AGO1: variants seen among roughly 807,000 people sequenced by gnomAD.
AGO1 encodes the protein protein argonaute-1.
In AGO1, 11 loss-of-function variants were observed where a neutral mutation model predicts 109.2. That is an observed-to-expected ratio of 0.10 (90% CI 0.06 to 0.17). AGO1 has a LOEUF of 0.17. Ranked by LOEUF, AGO1 falls within the 10% of genes least tolerant of loss-of-function variation. The probability of loss-of-function intolerance (pLI) is 1.00; values close to 1 mark genes in which losing one functional copy is unlikely to be tolerated. For synonymous variants in AGO1, 422 were observed against 418.6 expected (o/e 1.01, Z -0.10); for missense variants, 574 against 1,140.3 (o/e 0.50, Z 7.15).
chr1:35,883,182 C>T, upstream of AGO1: 1 of 1,160,610 alleles, frequency 8.6e-7, no homozygotes, highest in Non-Finnish European at 1.1e-6. This position sits in a 1 kb window ranked among gnomAD's most constrained non-coding sequence, Gnocchi z 5.4. Context: ...CCGGTCCGCC[C>T]CCTGGGCCCG....
chr1:35,918,187 A>G, intron 16 of AGO1, 135 bp from the exon 17 acceptor site: 1 of 727,558 alleles, frequency 1.4e-6, no homozygotes, highest in Non-Finnish European at 2.5e-6. Flanking sequence ...TATTATTTTA[A>G]GATTCAGTAC....
rs1042724086 is a variant in AGO1 at position 35,922,878 on chromosome 1, A to G, written c.*3271A>G. 17 of 152,162 alleles carry G rather than the reference A, an allele frequency of 1.1e-4. No homozygotes were observed. Among genetic ancestry groups the G allele is most frequent in the African/African-American group, 4.1e-4 (17 of 41,374 alleles). The allele number at this position is 152,162 out of a possible 1,614,324, so 9.4% of individuals were successfully genotyped here. The stretch of plus-strand genomic sequence containing the variant: ...CCACTCCTTGGAGCTGGTTTCTCTC[A>G]TTGCTTTTTCTAAATCTGGTTCTTT... On this transcript the variant is annotated 3_prime_UTR_variant, in exon 19 of 19. Coordinates refer to ENST00000373204, the MANE Select transcript of AGO1 (RefSeq NM_012199.5).
At chr1:35,912,944 T>C (rs191358183) in intron 12 of AGO1, among the ~76,000 whole-genome samples, 1 of 152,240 alleles carries the variant, frequency 6.6e-6, no homozygotes, top group African/African-American at 2.4e-5. Flanking sequence ...TACTCACACA[T>C]GTAGTCTATA....
intron 1 of AGO1, among the ~76,000 whole-genome samples, chr1:35,876,788 T>C (rs1227110946): frequency 6.6e-6 from 1 of 152,138 alleles, no homozygotes; most frequent in Non-Finnish European, 1.5e-5. Flanking sequence ...CTATAGAGAA[T>C]TTTGTTTTTT....
intron 11 of AGO1, among the ~76,000 whole-genome samples, chr1:35,903,878 G>A (rs1203806301): frequency 2.0e-5 from 3 of 151,568 alleles, no homozygotes; most frequent in African/African-American, 4.8e-5. Flanking sequence ...CAGGAGAATC[G>A]CTTGAACCCG....
rs1490719297 is a variant in AGO1, at chr1:35,920,441, T to C, written c.*834T>C. ...ACCTTTTGTACCTTTCTTTGGGGAA[T>C]GGGGTGGGGGTGGGAGAGGAGGTAG... On this transcript the variant is annotated 3_prime_UTR_variant, in exon 19 of 19. Transcript: ENST00000373204. 1 of 146,296 alleles carries C rather than the reference T, an allele frequency of 6.8e-6. No homozygotes were observed. The highest frequency in any genetic ancestry group is 1.5e-5 in the Non-Finnish European group (1 of 65,906). The allele number at this position is 146,296 out of a possible 1,614,324, so 9.1% of individuals were successfully genotyped here.
intron 16 of AGO1, 29 bp downstream of exon 16, chr1:35,917,756 C>T (rs1439442443): frequency 6.2e-7 from 1 of 1,604,442 alleles, no homozygotes; most frequent in South Asian, 1.1e-5. Flanking sequence ...CCTCCCATCC[C>T]CTCCTTCTGT....
Position 35,901,724 on chromosome 1 carries a change from T to G in AGO1, c.1140+131T>G, listed in dbSNP as rs957489300. ...TGCCTAGGACTGTATAAGGCTGCTTTTGCTTCTTGACCGTATAGCTACTTT... is the reference window on the plus strand; with the variant it reads ...TGCCTAGGACTGTATAAGGCTGCTTGTGCTTCTTGACCGTATAGCTACTTT... On this transcript the variant is annotated intron_variant, in intron 9 of 18. Coordinates refer to ENST00000373204, the MANE Select transcript of AGO1 (RefSeq NM_012199.5). The surrounding 1 kb of genome is among the most constrained non-coding windows in gnomAD (Gnocchi z 4.8). The G allele has an allele frequency of 1.7e-5, 24 of 1,453,056 alleles. No homozygotes were observed. Among genetic ancestry groups the G allele is most frequent in the Non-Finnish European group, 2.1e-5 (23 of 1,071,244 alleles). The allele number at this position is 1,453,056 out of a possible 1,614,324, so 90.0% of individuals were successfully genotyped here.
At chr1:35,918,125 A>G (rs1645767947) in intron 16 of AGO1, among the ~76,000 whole-genome samples, 197 bp from the exon 17 acceptor site, 1 of 152,244 alleles carries the variant, frequency 6.6e-6, no homozygotes, top group African/African-American at 2.4e-5. Context: ...CGACTTGCTA[A>G]GATCACACAG....
chr1:35,915,246 C>G (rs1489750727), intron 14 of AGO1, 102 bp from the exon 15 acceptor site: 1 of 968,472 alleles, frequency 1.0e-6, no homozygotes, highest in Non-Finnish European at 1.6e-6. Flanking sequence ...AAGCCCTAGT[C>G]ATTCAGTTGT....
chr1:35,920,885 T>G lies in AGO1; in HGVS notation c.*1278T>G, dbSNP rs1334655869. On this transcript the variant is annotated 3_prime_UTR_variant, in exon 19 of 19. Transcript: ENST00000373204. ...TGTTATTTTTATACCATAACTTGAG[T>G]GTATTGCCAAAATTTGGAAATCCTT... 1 of 152,622 alleles carries G rather than the reference T, an allele frequency of 6.6e-6. No individual in the cohort carries two copies. The highest frequency in any genetic ancestry group is 2.4e-5 in the African/African-American group (1 of 41,430). 9.5% of individuals were successfully genotyped at this position (152,622 alleles called of 1,614,324 possible).
At chr1:35,885,422 C>T (rs1306056938) in intron 1 of AGO1, among the ~76,000 whole-genome samples, 1 of 152,144 alleles carries the variant, frequency 6.6e-6, no homozygotes, top group Non-Finnish European at 1.5e-5. Context: ...TGGAGTCAGC[C>T]AAAGCCTTGG....
intron 2 of AGO1, among the ~76,000 whole-genome samples, chr1:35,889,676 A>C (rs867895373): frequency 1.5e-4 from 23 of 151,662 alleles, no homozygotes; most frequent in South Asian, 4.2e-4. Flanking sequence ...TTTGAGAAAG[A>C]AAAATTAGAT....
intron 8 of AGO1, among the ~76,000 whole-genome samples, chr1:35,899,057 C>T (rs1424290480): frequency 6.6e-6 from 1 of 152,198 alleles, no homozygotes; most frequent in Non-Finnish European, 1.5e-5. Flanking sequence ...CAACTCCCTC[C>T]TTTTAACCCC....
In AGO1 at chr1:35,915,538, C is replaced by T; in HGVS notation, c.2024C>T (p.Pro675Leu). Reference sequence around the variant, plus strand: ...GATGGGGTGCCTGAAGGCCAGCTACCCCAGGTAGGGCCCACAGTAGGTGGA... The same window carrying T: ...GATGGGGTGCCTGAAGGCCAGCTACTCCAGGTAGGGCCCACAGTAGGTGGA... ...YRDGVPEGQL[P>L]QILHYELLAI... The change falls in exon 15 of 19, where the codon CCC becomes CTC. Residue 675 changes from proline (P) to leucine (L), a missense_variant. This residue lies in a region of AGO1 where 45 missense variants were observed against 61.3 expected (regional missense o/e 0.73). Coordinates refer to ENST00000373204, the MANE Select transcript of AGO1 (RefSeq NM_012199.5). The T allele has an allele frequency of 6.2e-7, 1 of 1,613,766 alleles. No individual in the cohort carries two copies. The highest frequency in any genetic ancestry group is 1.3e-5 in the African/African-American group (1 of 75,016).
chr1:35,926,945 T>G lies in AGO1; in HGVS notation c.*7338T>G, dbSNP rs998430886. 2.4e-4 allele frequency: 16 copies of G among 67,438 alleles called. No homozygotes were observed. The highest frequency in any genetic ancestry group is 5.6e-4 in the Admixed American group (3 of 5,366). The allele number at this position is 67,438 out of a possible 1,614,324, so 4.2% of individuals were successfully genotyped here. ...CTTGGCAATGGTTTTTTGTTTGGGG[T>G]TTTTTTTTTTTTTTTTTTGGACAAA... On this transcript the variant is annotated 3_prime_UTR_variant, in exon 19 of 19. Coordinates refer to ENST00000373204, the MANE Select transcript of AGO1 (RefSeq NM_012199.5).
chr1:35,894,245 C>A, intron 6 of AGO1, 70 bp from the exon 7 acceptor site: 1 of 1,600,052 alleles, frequency 6.2e-7, no homozygotes. Flanking sequence ...GGGGTATGCT[C>A]AGGGGAGAGA....
At position 35,922,275 on chromosome 1, in the gene AGO1, A is replaced by C. The variant is rs954806567; in HGVS notation, c.*2668A>C. The C allele has an allele frequency of 7.2e-5, 11 of 152,662 alleles. No individual in the cohort carries two copies. The highest frequency in any genetic ancestry group is 2.4e-4 in the African/African-American group (10 of 41,458). 9.5% of individuals were successfully genotyped at this position (152,662 alleles called of 1,614,324 possible). A position where few individuals can be genotyped will look rare whatever the true frequency, so the allele number is the denominator to read the frequency against. On this transcript the variant is annotated 3_prime_UTR_variant, in exon 19 of 19. Transcript: ENST00000373204. Reference sequence around the variant, plus strand: ...GAATCAGCTTTGGGCAATGACAAGAAATGAGTTCTTACTCTGATTTTTTTG... The same window carrying C: ...GAATCAGCTTTGGGCAATGACAAGACATGAGTTCTTACTCTGATTTTTTTG...
At chr1:35,880,397 GTAAA>G (rs906596241), upstream of AGO1, among the ~76,000 whole-genome samples, 1 of 152,020 alleles carries the variant, frequency 6.6e-6, no homozygotes, top group African/African-American at 2.4e-5. Flanking sequence ...CAATAAGTAA[GTAAA>G]TAAATAAATA....
Sources: gnomAD v4.1 joint callset for allele counts (sites outside exome capture counted in the v4.1 genomes callset) on GRCh38, gnomAD v4.1.1 for gene constraint, gnomAD v4.1.1 regional missense constraint, Gnocchi (gnomAD v3.1) non-coding constraint, MANE v1.5 for transcripts, NCBI Gene and HGNC (gene_info 2026-07-23, HGNC 2026-07-21) for gene names.